CA10: variants seen among roughly 807,000 people sequenced by gnomAD.
CA10 encodes the protein carbonic anhydrase-related protein 10.
In CA10, 14 loss-of-function variants were observed where a neutral mutation model predicts 44.2. The ratio of observed to expected loss-of-function variants is 0.32; its 90% CI spans 0.21 to 0.50. The LOEUF (loss-of-function observed/expected upper bound fraction) is 0.50. CA10 is among the 20% of genes least tolerant of loss of function. The pLI is 0.99. For synonymous variants in CA10, 159 were observed against 141.6 expected, an observed-to-expected ratio of 1.12 and a Z score of -0.87; for missense variants, 350 against 409.7, an observed-to-expected ratio of 0.85 and a Z score of 1.26.
intron 4 of CA10, among the ~76,000 whole-genome samples, chr17:51,681,960 G>A (rs906777368): frequency 6.6e-6 from 1 of 152,214 alleles, no homozygotes; most frequent in South Asian, 2.1e-4. Context: ...GGTGAAGGGA[G>A]AAATGCAGGA....
chr17:51,979,020 C>T (rs960503436), intron 2 of CA10, among the ~76,000 whole-genome samples: 2 of 152,134 alleles, frequency 1.3e-5, no homozygotes, highest in African/African-American at 4.8e-5. Context: ...TGTTTCCTCC[C>T]TGCCTGCCAC....
intron 3 of CA10, among the ~76,000 whole-genome samples, chr17:51,874,403 AAAAC>A (rs1039383352): frequency 2.6e-5 from 4 of 151,726 alleles, no homozygotes; most frequent in African/African-American, 7.3e-5. Context: ...AAAAAAAAAA[AAAAC>A]AAAAACTGAA....
chr17:51,988,609 T>C (rs1984927006), intron 2 of CA10, among the ~76,000 whole-genome samples: 1 of 151,952 alleles, frequency 6.6e-6, no homozygotes, highest in Non-Finnish European at 1.5e-5. Flanking sequence ...AAAATAAAAA[T>C]CATTTTTAAA....
intron 2 of CA10, among the ~76,000 whole-genome samples, chr17:52,051,357 C>G (rs1024657494): frequency 6.6e-6 from 1 of 151,624 alleles, no homozygotes; most frequent in Non-Finnish European, 1.5e-5. Flanking sequence ...ACAGAGAAAC[C>G]AGACAACCTA....
At chr17:51,986,678 C>A (rs1984847615) in intron 2 of CA10, among the ~76,000 whole-genome samples, 1 of 151,866 alleles carries the variant, frequency 6.6e-6, no homozygotes, top group Non-Finnish European at 1.5e-5. Flanking sequence ...AACAAATAAT[C>A]CCATCACAAA....
At chr17:52,011,305 C>G (rs1985788552) in intron 2 of CA10, among the ~76,000 whole-genome samples, 1 of 151,882 alleles carries the variant, frequency 6.6e-6, no homozygotes, top group Non-Finnish European at 1.5e-5. Context: ...ATCAGACTTG[C>G]AAATTAGAAC....
intron 1 of CA10, among the ~76,000 whole-genome samples, chr17:52,093,783 G>A (rs1252476271): frequency 6.6e-6 from 1 of 152,134 alleles, no homozygotes; most frequent in Non-Finnish European, 1.5e-5. Context: ...TTTTCTGAGA[G>A]TCTCCTCTGT....
intron 3 of CA10, among the ~76,000 whole-genome samples, chr17:51,865,571 G>T (rs1004506571): frequency 3.3e-5 from 5 of 152,150 alleles, no homozygotes; most frequent in African/African-American, 1.2e-4. Flanking sequence ...CCGGTGGGGG[G>T]GAACCAATAT....
rs952598431 is a variant in CA10 at position 52,103,777 on chromosome 17, T to A, written c.62-31384A>T. Among the ~76,000 whole-genome samples the A allele has an allele frequency of 2.0e-5, 3 of 152,212 alleles. No homozygotes were observed. The East Asian group carries it at 5.8e-4, about 29-fold the overall frequency. On this transcript the variant is annotated intron_variant, in intron 1 of 8. Transcript: ENST00000451037. ...TTCCAAGGCTCTCATTTGTTTCAAG[T>A]TCATAGCCCAAGTTTCTCCTTACCG...
chr17:52,064,992 A>T (rs1170333330), intron 2 of CA10, among the ~76,000 whole-genome samples: 1 of 152,174 alleles, frequency 6.6e-6, no homozygotes, highest in East Asian at 1.9e-4. Flanking sequence ...CTCCATCCAA[A>T]TACTTTATGT....
intron 1 of CA10, among the ~76,000 whole-genome samples, chr17:52,109,877 A>G (rs774665122): frequency 5.3e-4 from 80 of 152,304 alleles, no homozygotes; most frequent in Middle Eastern, 3.4e-3. Flanking sequence ...TTTCTGACTT[A>G]AAGAATTTGA....
At chr17:51,671,888 A>G (rs1914441734) in intron 4 of CA10, among the ~76,000 whole-genome samples, 2 of 152,226 alleles carry the variant, frequency 1.3e-5, no homozygotes, top group Non-Finnish European at 1.5e-5. Context: ...TAACATTAAA[A>G]TATGGGCTTG....
Position 51,899,716 on chromosome 17 carries a change from G to T in CA10, c.279+31274C>A, listed in dbSNP as rs529996486. 5.9e-5 allele frequency among the ~76,000 whole-genome samples: 9 copies of T among 152,190 alleles called. 1 individual carries two copies. In the East Asian group the frequency reaches 1.7e-3, roughly 29 times the overall value. Reference sequence around the variant, plus strand: ...TTAGGTCTCTAAGAACTTGTTTTATGAATCTGGGTGCTTCTATGTTGGGTG... The same window carrying T: ...TTAGGTCTCTAAGAACTTGTTTTATTAATCTGGGTGCTTCTATGTTGGGTG... On this transcript the variant is annotated intron_variant, in intron 3 of 8. Transcript: ENST00000451037.
At chr17:52,033,806 T>C (rs1276034940) in intron 2 of CA10, among the ~76,000 whole-genome samples, 1 of 152,182 alleles carries the variant, frequency 6.6e-6, no homozygotes, top group African/African-American at 2.4e-5. Context: ...TCTCTTTTGA[T>C]CAATTATATA....
At chr17:51,929,134 C>T (rs908079927) in intron 3 of CA10, among the ~76,000 whole-genome samples, 1 of 152,028 alleles carries the variant, frequency 6.6e-6, no homozygotes, top group Non-Finnish European at 1.5e-5. Context: ...CAAAAAAAAA[C>T]CCAAGTCATA....
rs1914376392 is a variant in CA10 at position 51,670,497 on chromosome 17, T to C, written c.466-16761A>G. Reference sequence around the variant, plus strand: ...ATTGGGTCCGCATTCCTTTTTTTTTTTTCCCCCTGGAATCTCTGGGACACC... The same window carrying C: ...ATTGGGTCCGCATTCCTTTTTTTTTCTTCCCCCTGGAATCTCTGGGACACC... On this transcript the variant is annotated intron_variant, in intron 4 of 8. Transcript: ENST00000451037. Among the ~76,000 whole-genome samples the C allele has an allele frequency of 2.0e-5, 3 of 152,074 alleles. No individual in the cohort carries two copies. The South Asian group carries it at 6.2e-4, about 32-fold the overall frequency.
At chr17:51,901,930 A>G (rs1981334362) in intron 3 of CA10, among the ~76,000 whole-genome samples, 1 of 152,190 alleles carries the variant, frequency 6.6e-6, no homozygotes, top group Non-Finnish European at 1.5e-5. Context: ...AAATGGAAAA[A>G]GCAAGACAGA....
At chr17:51,906,148 GA>G in intron 3 of CA10, among the ~76,000 whole-genome samples, 1 of 152,046 alleles carries the variant, frequency 6.6e-6, no homozygotes, top group Non-Finnish European at 1.5e-5. Context: ...TCCTTATTTT[GA>G]TCCCTATTTC....
intron 2 of CA10, among the ~76,000 whole-genome samples, chr17:52,022,702 G>C (rs562802497): frequency 1.3e-5 from 2 of 152,084 alleles, no homozygotes; most frequent in Non-Finnish European, 2.9e-5. Flanking sequence ...TTTATATCTA[G>C]ACAACCCTAA....
Sources: allele counts gnomAD v4.1 joint callset (sites outside exome capture counted in the v4.1 genomes callset), GRCh38; gene constraint gnomAD v4.1.1; transcripts MANE v1.5; gene names NCBI Gene and HGNC (gene_info 2026-07-23, HGNC 2026-07-21).